The following LTA4H variants were observed in gnomAD, a reference collection of about 807,000 sequenced individuals.
LTA4H encodes leukotriene A-4 hydrolase.
LTA4H carries 59 observed loss-of-function variants against 89.8 expected under a neutral mutation model. The observed-to-expected ratio is 0.66, with a 90% CI of 0.53 to 0.82. The LOEUF (loss-of-function observed/expected upper bound fraction) is 0.82. Among genes scored for constraint, LTA4H ranks in the 40% least tolerant of loss-of-function variants. The probability of loss-of-function intolerance (pLI) is 0.00; values close to 1 mark genes in which losing one functional copy is unlikely to be tolerated. For missense variants in LTA4H, 617 were observed against 727.0 expected, an observed-to-expected ratio of 0.85 and a Z score of 1.74; for synonymous variants, 227 against 253.1, an observed-to-expected ratio of 0.90 and a Z score of 0.98.
At chr12:96,039,160 A>G (rs115323946), upstream of LTA4H, among the ~76,000 whole-genome samples, 1,260 of 152,226 alleles carry the variant, frequency 8.3e-3, 15 homozygotes, top group South Asian at 0.026. Flanking sequence ...TGAGGCAAGC[A>G]GATTGCTTGA....
chr12:96,043,202 G>C (rs1209198784), intron 1 of LTA4H: 1 of 941,026 alleles, frequency 1.1e-6, no homozygotes, highest in African/African-American at 1.6e-5. Flanking sequence ...GAACATGTCG[G>C]GTAGACCCGG....
intron 1 of LTA4H, 89 bp from the exon 2 acceptor site, chr12:96,029,274 T>G (rs1950547669): frequency 1.1e-5 from 7 of 658,838 alleles, no homozygotes; most frequent in Non-Finnish European, 1.5e-5. Context: ...ACTAGTTGCT[T>G]ATGGAGAGTA....
chr12:96,024,668 G>T (rs1950493371), intron 3 of LTA4H, 121 bp from the exon 4 acceptor site: 2 of 562,620 alleles, frequency 3.6e-6, no homozygotes, highest in Non-Finnish European at 6.1e-6. Context: ...CATTTCTTGG[G>T]ATTTTTTTTT....
At chr12:96,021,917 G>C (rs1950457534) in intron 5 of LTA4H, among the ~76,000 whole-genome samples, 1 of 151,950 alleles carries the variant, frequency 6.6e-6, no homozygotes, top group African/African-American at 2.4e-5. Context: ...AATGAAAACA[G>C]GTATGCTCCC....
intron 16 of LTA4H, among the ~76,000 whole-genome samples, chr12:96,005,674 A>G (rs1950186265): frequency 6.6e-6 from 1 of 152,146 alleles, no homozygotes; most frequent in Admixed American, 6.5e-5. Context: ...TGATGCCCCC[A>G]GTTGGAAGAG....
At chr12:96,009,439 T>C (rs1300325411) in intron 14 of LTA4H, 1 of 361,506 alleles carries the variant, frequency 2.8e-6, no homozygotes, top group African/African-American at 2.1e-5. Context: ...TATGCTAAAG[T>C]AGTTGGAATC....
intron 13 of LTA4H, 112 bp downstream of exon 13, chr12:96,013,638 G>C: frequency 1.6e-6 from 1 of 637,242 alleles, no homozygotes; most frequent in South Asian, 1.9e-5. Context: ...ATGAGAGGTT[G>C]AGTCCTAAAG....
chr12:96,036,010 T>G (rs187633357), upstream of LTA4H, among the ~76,000 whole-genome samples: 2 of 152,176 alleles, frequency 1.3e-5, no homozygotes, highest in African/African-American at 2.4e-5. Context: ...GAAGGCTTTC[T>G]TTCGTGCGGT....
chr12:96,035,541 AC>A lies in LTA4H; in HGVS notation c.-23del. ...GCATGGCTCTGGGGGATCACACAGC[AC>A]AGCGACCTACAGCCCAACGCTCAGC... is the stretch of plus-strand genomic sequence containing the variant. On this transcript the variant is annotated 5_prime_UTR_variant, in exon 1 of 19. Coordinates refer to ENST00000228740, the MANE Select transcript of LTA4H (RefSeq NM_000895.3). 6.3e-7 allele frequency: 1 copy of A among 1,580,174 alleles called. No individual in the cohort carries two copies. Among genetic ancestry groups the A allele is most frequent in the Non-Finnish European group, 8.6e-7 (1 of 1,159,712 alleles).
intron 6 of LTA4H, among the ~76,000 whole-genome samples, chr12:96,019,491 A>G (rs369277811): frequency 6.6e-6 from 1 of 152,044 alleles, no homozygotes; most frequent in African/African-American, 2.4e-5. Context: ...GGTGTCCCCA[A>G]TTAGTTTATT....
At chr12:96,035,240 G>C in intron 1 of LTA4H, 121 bp downstream of exon 1, 2 of 986,414 alleles carry the variant, frequency 2.0e-6, no homozygotes, top group Non-Finnish European at 2.9e-6. Context: ...GAGCAGACGG[G>C]GACGTGGGGC....
In LTA4H at chr12:96,021,087, G is replaced by A; in HGVS notation, c.636C>T (p.Ser212=). The change falls in exon 6 of 19, where the codon AGC becomes AGT. Residue 212 remains serine (S), a splice_region_variant and synonymous_variant. Coordinates refer to ENST00000228740, the MANE Select transcript of LTA4H (RefSeq NM_000895.3). ...LIALVVGALE[S]RQIGPRTLVW... is the part of the protein sequence containing the mutation. The stretch of plus-strand genomic sequence containing the variant: ...TGAAAATTTTTCCAAAAGCTCACCT[G>A]CTTTCTAAAGCTCCAACAACTAAAG... 1.3e-6 allele frequency: 2 copies of A among 1,599,782 alleles called. No individual in the cohort carries two copies. The highest frequency in any genetic ancestry group is 1.7e-6 in the Non-Finnish European group (2 of 1,175,758).
intron 9 of LTA4H, 30 bp downstream of exon 9, chr12:96,017,527 G>T: frequency 1.3e-6 from 2 of 1,592,296 alleles, no homozygotes; most frequent in Non-Finnish European, 1.7e-6. Context: ...CTTCTTGAAG[G>T]TAAGGCCATA....
At chr12:96,041,680 C>T (rs749248102) in intron 1 of LTA4H, among the ~76,000 whole-genome samples, 73 of 152,076 alleles carry the variant, frequency 4.8e-4, no homozygotes, top group Non-Finnish European at 3.7e-4. Flanking sequence ...CTCTCTGTGT[C>T]GCCCAGGCCG....
Position 96,029,117 on chromosome 12 carries a change from A to G in LTA4H, c.228T>C (p.Leu76=). ...VINGQEVKYA[L]GERQSYKGSP... is the part of the protein sequence containing the mutation. Reference sequence around the variant, plus strand: ...ATCCCTTGTAACTTTGTCTTTCTCCAAGAGCATATTTGACTTCTTGTCCAT... The same window carrying G: ...ATCCCTTGTAACTTTGTCTTTCTCCGAGAGCATATTTGACTTCTTGTCCAT... The change falls in exon 2 of 19, where the codon CTT becomes CTC. Residue 76 remains leucine, a synonymous_variant. Transcript: ENST00000228740. 1 of 1,597,444 alleles carries G rather than the reference A, an allele frequency of 6.3e-7. No individual in the cohort carries two copies. The highest frequency in any genetic ancestry group is 8.5e-7 in the Non-Finnish European group (1 of 1,170,406).
At chr12:96,030,921 T>C (rs1950564941) in intron 1 of LTA4H, among the ~76,000 whole-genome samples, 1 of 152,198 alleles carries the variant, frequency 6.6e-6, no homozygotes, top group African/African-American at 2.4e-5. Flanking sequence ...TAGTACCTAG[T>C]TCTGAATAGC....
intron 12 of LTA4H, 69 bp from the exon 13 acceptor site, chr12:96,013,922 G>T: frequency 1.4e-6 from 1 of 721,172 alleles, no homozygotes; most frequent in South Asian, 1.6e-5. Context: ...GTGCGTGTTT[G>T]GCATTGTACT....
At chr12:96,013,044 G>C (rs1266433842) in intron 14 of LTA4H, 144 bp downstream of exon 14, 9 of 585,622 alleles carry the variant, frequency 1.5e-5, no homozygotes, top group Non-Finnish European at 2.4e-5. Context: ...TTTGGCCTCA[G>C]GGTTAAGGCC....
intron 8 of LTA4H, among the ~76,000 whole-genome samples, chr12:96,017,932 T>C (rs1049502261): frequency 1.3e-5 from 2 of 152,174 alleles, no homozygotes; most frequent in Non-Finnish European, 2.9e-5. Flanking sequence ...TTAATAAAAC[T>C]TTAGAGTGTC....
Sources: gnomAD v4.1 joint callset for allele counts (sites outside exome capture counted in the v4.1 genomes callset) on GRCh38, gnomAD v4.1.1 for gene constraint, MANE v1.5 for transcripts, NCBI Gene and HGNC (gene_info 2026-07-23, HGNC 2026-07-21) for gene names.